The following C2CD2 variants were observed in gnomAD, a reference collection of about 807,000 sequenced individuals.
C2CD2 encodes C2 domain-containing protein 2.
Under a neutral mutation model 74.3 loss-of-function variants are expected in C2CD2, and 43 were observed. The ratio of observed to expected loss-of-function variants is 0.58; its 90% CI spans 0.45 to 0.75. C2CD2 has a LOEUF of 0.75. Among genes scored for constraint, C2CD2 ranks in the 30% least tolerant of loss-of-function variants. The probability of loss-of-function intolerance (pLI) is 0.00; values close to 1 mark genes in which losing one functional copy is unlikely to be tolerated. For synonymous variants in C2CD2, 422 were observed against 390.7 expected (o/e 1.08, Z -0.94); for missense variants, 801 against 916.3 (o/e 0.87, Z 1.63).
chr21:41,892,040 G>A lies in C2CD2; in HGVS notation c.1871-2696C>T, dbSNP rs578072947. On this transcript the variant is annotated intron_variant, in intron 13 of 13. Coordinates refer to ENST00000380486, the MANE Select transcript of C2CD2 (RefSeq NM_015500.2). The surrounding 1 kb of genome is among the most constrained non-coding windows in gnomAD (Gnocchi z 4.6). ...TAATCCCCAGTACTTCACAGAATGT[G>A]ACCTTATTTGGAGATGGGGTCCTTG... Among the ~76,000 whole-genome samples the A allele has an allele frequency of 6.6e-6, 1 of 151,076 alleles. No homozygotes were observed. The highest frequency in any genetic ancestry group is 2.1e-4 in the South Asian group (1 of 4,772).
chr21:41,917,133 C>A (rs535620583), intron 5 of C2CD2, among the ~76,000 whole-genome samples: 1 of 152,172 alleles, frequency 6.6e-6, no homozygotes, highest in Non-Finnish European at 1.5e-5. Context: ...CTGCAGGCTT[C>A]GGGAGGGTGA....
At chr21:41,913,497 T>C (rs2065052115) in intron 6 of C2CD2, among the ~76,000 whole-genome samples, 1 of 152,144 alleles carries the variant, frequency 6.6e-6, no homozygotes, top group Non-Finnish European at 1.5e-5. Context: ...GACAGGTACA[T>C]GTGAGAGCTG....
At chr21:41,931,908 G>A (rs181762544) in intron 2 of C2CD2, among the ~76,000 whole-genome samples, 1 of 28,874 alleles carries the variant, frequency 3.5e-5, no homozygotes, top group African/African-American at 1.2e-4. Flanking sequence ...CCCACCTCCA[G>A]CATCCCACCA....
intron 3 of C2CD2, among the ~76,000 whole-genome samples, chr21:41,919,775 C>G (rs1402084753): frequency 1.3e-5 from 2 of 152,184 alleles, no homozygotes; most frequent in Non-Finnish European, 2.9e-5. Flanking sequence ...GGAGACAGAA[C>G]AGCGGCCCCC....
rs2064708632 is a variant in C2CD2 at position 41,888,430 on chromosome 21, A to T, written c.*694T>A. 1.3e-5 allele frequency: 2 copies of T among 152,686 alleles called. No homozygotes were observed. Among genetic ancestry groups the T allele is most frequent in the African/African-American group, 4.8e-5 (2 of 41,460 alleles). 9.5% of individuals were successfully genotyped at this position (152,686 alleles called of 1,614,324 possible). A position where few individuals can be genotyped will look rare whatever the true frequency, so the allele number is the denominator to read the frequency against. On this transcript the variant is annotated 3_prime_UTR_variant, in exon 14 of 14. Coordinates refer to ENST00000380486, the MANE Select transcript of C2CD2 (RefSeq NM_015500.2). ...CCATGTGAGAATATATATATCTTCC[A>T]CTTGCAAGTAGGCTCAAAGTAAACT... is the stretch of plus-strand genomic sequence containing the variant.
intron 2 of C2CD2, among the ~76,000 whole-genome samples, chr21:41,934,662 C>T (rs561208166): frequency 6.6e-6 from 1 of 152,166 alleles, no homozygotes; most frequent in African/African-American, 2.4e-5. Flanking sequence ...TATTGAGCCC[C>T]GCACAGGCTT....
chr21:41,906,894 C>G (rs932121191), intron 10 of C2CD2, 98 bp downstream of exon 10: 12 of 871,062 alleles, frequency 1.4e-5, no homozygotes, highest in Non-Finnish European at 2.2e-5. Context: ...TCCTAACACT[C>G]GGCGCTGCAG....
chr21:41,935,059 T>A (rs1041082077), intron 2 of C2CD2, among the ~76,000 whole-genome samples: 1 of 152,062 alleles, frequency 6.6e-6, no homozygotes, highest in Non-Finnish European at 1.5e-5. Context: ...GCTCGGCTAA[T>A]TTTTGTATTT....
At chr21:41,916,460 T>C (rs915828437) in intron 5 of C2CD2, among the ~76,000 whole-genome samples, 1 of 152,170 alleles carries the variant, frequency 6.6e-6, no homozygotes, top group African/African-American at 2.4e-5. Flanking sequence ...AGGGGCCTTT[T>C]CCTGCCTTCA....
At chr21:41,919,233 T>C (rs983222552) in intron 3 of C2CD2, among the ~76,000 whole-genome samples, 15 of 152,356 alleles carry the variant, frequency 9.8e-5, no homozygotes, top group African/African-American at 3.6e-4. Flanking sequence ...GAAGTGTGCA[T>C]GTGAGCACGT....
In C2CD2 at chr21:41,887,320, T is replaced by A. The variant is rs1218686043; in HGVS notation, c.*1804A>T. Reference sequence around the variant, plus strand: ...ATGATTAAAACTGGAATATAATTTTTAAAAACAAAGCAGGTTGGAAAAGTC... The same window carrying A: ...ATGATTAAAACTGGAATATAATTTTAAAAAACAAAGCAGGTTGGAAAAGTC... On this transcript the variant is annotated 3_prime_UTR_variant, in exon 14 of 14. Coordinates refer to ENST00000380486, the MANE Select transcript of C2CD2 (RefSeq NM_015500.2). 6.6e-6 allele frequency: 1 copy of A among 152,198 alleles called. No individual in the cohort carries two copies. Among genetic ancestry groups the A allele is most frequent in the African/African-American group, 2.4e-5 (1 of 41,440 alleles). 9.4% of individuals were successfully genotyped at this position (152,198 alleles called of 1,614,324 possible).
intron 3 of C2CD2, 160 bp from the exon 4 acceptor site, chr21:41,919,120 G>A (rs143919618): frequency 6.0e-5 from 38 of 631,210 alleles, no homozygotes; most frequent in Admixed American, 4.6e-4. Context: ...GCGTGTATGC[G>A]CATGTGTGCA....
At chr21:41,908,096 G>A (rs2064985957) in intron 8 of C2CD2, 1 of 377,722 alleles carries the variant, frequency 2.6e-6, no homozygotes, top group African/African-American at 2.1e-5. Flanking sequence ...ACTGGAAGAT[G>A]GGCATAAGCT....
In C2CD2 at chr21:41,945,742, T is replaced by C. The variant is rs990030783; in HGVS notation, c.280-3497A>G. Reference sequence around the variant, plus strand: ...GAGTTCTCACAAGATCTGATGCTTTTCTAAGTGTTTGGAAGTTCCTCCTTC... The same window carrying C: ...GAGTTCTCACAAGATCTGATGCTTTCCTAAGTGTTTGGAAGTTCCTCCTTC... On this transcript the variant is annotated intron_variant, in intron 1 of 13. Coordinates refer to ENST00000380486, the MANE Select transcript of C2CD2 (RefSeq NM_015500.2). The surrounding 1 kb of genome is among the most constrained non-coding windows in gnomAD (Gnocchi z 4.2). 6.6e-6 allele frequency among the ~76,000 whole-genome samples: 1 copy of C among 152,204 alleles called. No individual in the cohort carries two copies. Among genetic ancestry groups the C allele is most frequent in the Non-Finnish European group, 1.5e-5 (1 of 68,044 alleles).
chr21:41,893,213 T>C (rs748304628), intron 13 of C2CD2, among the ~76,000 whole-genome samples: 1 of 152,154 alleles, frequency 6.6e-6, no homozygotes, highest in Non-Finnish European at 1.5e-5. Context: ...TTTCAAGCAG[T>C]TATGATAATT....
intron 5 of C2CD2, among the ~76,000 whole-genome samples, chr21:41,915,187 C>T (rs1417515951): frequency 1.3e-5 from 2 of 152,184 alleles, no homozygotes; most frequent in Non-Finnish European, 2.9e-5. Flanking sequence ...ACCCATTTCC[C>T]ACCTCCACAC....
chr21:41,943,568 A>G (rs2065373249), intron 1 of C2CD2, among the ~76,000 whole-genome samples: 1 of 152,166 alleles, frequency 6.6e-6, no homozygotes, highest in Non-Finnish European at 1.5e-5. Context: ...CAGCCCCACA[A>G]GCTCCCATCG....
At chr21:41,942,125 G>A (rs1433657865) in intron 2 of C2CD2, 22 bp downstream of exon 2, 5 of 1,548,304 alleles carry the variant, frequency 3.2e-6, no homozygotes, top group Non-Finnish European at 4.4e-6. Flanking sequence ...TCTTCCTGCA[G>A]GGAATGGGCT....
chr21:41,896,707 C>CAAAAAA (rs71332341), intron 13 of C2CD2, among the ~76,000 whole-genome samples: 32 of 73,598 alleles, frequency 4.3e-4, no homozygotes, highest in African/African-American at 9.4e-4. Context: ...GTTCTTAAAC[C>CAAAAAA]AAAAAAAAAA....
Sources: gnomAD v4.1 joint callset for allele counts (sites outside exome capture counted in the v4.1 genomes callset) on GRCh38, gnomAD v4.1.1 for gene constraint, Gnocchi (gnomAD v3.1) non-coding constraint, MANE v1.5 for transcripts, NCBI Gene and HGNC (gene_info 2026-07-23, HGNC 2026-07-21) for gene names.